KALRN: variants seen among roughly 807,000 people sequenced by gnomAD.
The protein encoded by KALRN is kalirin.
A neutral mutation model predicts 353.7 loss-of-function variants in KALRN; 70 were observed. That is an observed-to-expected ratio of 0.20 (90% CI 0.16 to 0.24). KALRN has a LOEUF of 0.24. KALRN is among the 10% of genes least tolerant of loss of function. The pLI is 1.00. For missense variants in KALRN, 2,791 were observed against 3,756.7 expected (o/e 0.74, Z 6.72); for synonymous variants, 1,391 against 1,434.8 (o/e 0.97, Z 0.69).
At chr3:124,169,635 A>G (rs1326166280) in intron 1 of KALRN, among the ~76,000 whole-genome samples, 1 of 152,132 alleles carries the variant, frequency 6.6e-6, no homozygotes, top group Non-Finnish European at 1.5e-5. Context: ...TGTTGTGCCA[A>G]TCAATGGCAT....
intron 9 of KALRN, among the ~76,000 whole-genome samples, chr3:124,335,158 G>A (rs1030844350): frequency 9.9e-5 from 15 of 152,100 alleles, no homozygotes; most frequent in African/African-American, 3.6e-4. Flanking sequence ...TGGGGGTGGG[G>A]GGTTATCCAA....
chr3:124,303,965 T>C (rs79824157), intron 6 of KALRN, among the ~76,000 whole-genome samples: 1 of 152,068 alleles, frequency 6.6e-6, no homozygotes, highest in East Asian at 1.9e-4. Context: ...GGCAGGCAGG[T>C]GGTCTCCCAA....
chr3:124,234,377 A>G (rs2079517226), intron 2 of KALRN, among the ~76,000 whole-genome samples: 1 of 152,244 alleles, frequency 6.6e-6, no homozygotes, highest in Admixed American at 6.5e-5. Flanking sequence ...TAGTCAGCTC[A>G]TCACAAGCAC....
At chr3:124,231,629 C>T (rs372415303) in intron 2 of KALRN, among the ~76,000 whole-genome samples, 1 of 152,184 alleles carries the variant, frequency 6.6e-6, no homozygotes, top group African/African-American at 2.4e-5. Context: ...GACATTCTAG[C>T]TCTCCTTCTT....
chr3:124,724,390 T>C lies in KALRN; in HGVS notation c.*4920T>C, dbSNP rs2063394708. 1 of 152,160 alleles carries C rather than the reference T, an allele frequency of 6.6e-6. No individual in the cohort carries two copies. Among genetic ancestry groups the C allele is most frequent in the Non-Finnish European group, 1.5e-5 (1 of 68,016 alleles). The allele number at this position is 152,160 out of a possible 1,614,324, so 9.4% of individuals were successfully genotyped here. A position where few individuals can be genotyped will look rare whatever the true frequency, so the allele number is the denominator to read the frequency against. On this transcript the variant is annotated 3_prime_UTR_variant, in exon 60 of 60. Coordinates refer to ENST00000682506, the MANE Select transcript of KALRN (RefSeq NM_001388419.1). ...CTTTCTCTCCTGGGTCGCACCTCTG[T>C]GGAGTCTGGGTTAGACAAATGCAAT...
chr3:124,275,530 T>G (rs2074616353), intron 5 of KALRN, among the ~76,000 whole-genome samples: 1 of 152,258 alleles, frequency 6.6e-6, no homozygotes, highest in Non-Finnish European at 1.5e-5. Flanking sequence ...AAGACAAACT[T>G]CTTCGCAGGG....
intron 1 of KALRN, among the ~76,000 whole-genome samples, chr3:124,214,554 C>T (rs778910011): frequency 9.2e-5 from 14 of 152,170 alleles, no homozygotes; most frequent in Non-Finnish European, 1.9e-4. Flanking sequence ...AGCAGGGGAC[C>T]AGATATCCCA....
At chr3:124,503,586 G>A (rs920812081) in intron 33 of KALRN, among the ~76,000 whole-genome samples, 104 of 152,204 alleles carry the variant, frequency 6.8e-4, no homozygotes, top group Middle Eastern at 3.4e-3. Context: ...GGAGCAGAGA[G>A]CAACAAAATG....
chr3:124,217,566 G>A (rs1579524055), intron 1 of KALRN, among the ~76,000 whole-genome samples: 1 of 152,266 alleles, frequency 6.6e-6, no homozygotes, highest in African/African-American at 2.4e-5. Context: ...TAATCTCTCT[G>A]TATGTATATC....
At chr3:124,402,495 G>A (rs952849320) in intron 13 of KALRN, among the ~76,000 whole-genome samples, 1 of 152,110 alleles carries the variant, frequency 6.6e-6, no homozygotes, top group African/African-American at 2.4e-5. Context: ...ATTTTGTGAT[G>A]GTAAGAATAC....
At chr3:124,488,625 G>C (rs1018675635) in intron 29 of KALRN, 2 of 259,684 alleles carry the variant, frequency 7.7e-6, no homozygotes, top group Non-Finnish European at 7.4e-6. Flanking sequence ...ACCTACAGCA[G>C]TCTTGTTAGT....
chr3:124,125,680 C>T (rs1287788618), intron 1 of KALRN, among the ~76,000 whole-genome samples: 3 of 152,200 alleles, frequency 2.0e-5, no homozygotes, highest in African/African-American at 7.2e-5. Flanking sequence ...TATAATCCCC[C>T]TTCCTAGAAA....
At chr3:124,577,038 C>T (rs2074176694) in intron 34 of KALRN, among the ~76,000 whole-genome samples, 1 of 152,158 alleles carries the variant, frequency 6.6e-6, no homozygotes, top group Non-Finnish European at 1.5e-5. Context: ...CAGGCGGCTG[C>T]TCAGTACAGA....
chr3:124,662,501 G>C (rs903350042), intron 45 of KALRN, among the ~76,000 whole-genome samples: 1 of 152,130 alleles, frequency 6.6e-6, no homozygotes, highest in African/African-American at 2.4e-5. Flanking sequence ...GATAAAGCAG[G>C]GACTGTGAGT....
Position 124,366,597 on chromosome 3 carries a change from T to C in KALRN, c.1771-18248T>C, listed in dbSNP as rs1259054786. 4.2e-4 allele frequency among the ~76,000 whole-genome samples: 63 copies of C among 150,742 alleles called. 1 individual carries two copies. The highest frequency in any genetic ancestry group is 6.3e-4 in the South Asian group (3 of 4,752). On this transcript the variant is annotated intron_variant, in intron 10 of 59. Transcript: ENST00000682506. Reference sequence around the variant, plus strand: ...AGAACAAAATGAAAAGTCTCCCATGTCTACTTCTTTCTACACAGACACGGC... The same window carrying C: ...AGAACAAAATGAAAAGTCTCCCATGCCTACTTCTTTCTACACAGACACGGC...
At chr3:124,290,066 G>T (rs76863010) in intron 5 of KALRN, among the ~76,000 whole-genome samples, 1 of 152,096 alleles carries the variant, frequency 6.6e-6, no homozygotes, top group Non-Finnish European at 1.5e-5. Flanking sequence ...TTGGAGGATT[G>T]GTAAGCTTTC....
At chr3:124,602,127 A>G (rs1295199671) in intron 34 of KALRN, among the ~76,000 whole-genome samples, 1 of 152,216 alleles carries the variant, frequency 6.6e-6, no homozygotes, top group African/African-American at 2.4e-5. Context: ...TTAGGCAAAA[A>G]GAAATGACAT....
At chr3:124,291,594 G>A (rs1189567738) in intron 5 of KALRN, among the ~76,000 whole-genome samples, 1 of 152,202 alleles carries the variant, frequency 6.6e-6, no homozygotes, top group Middle Eastern at 3.2e-3. Context: ...ATGTAAGGGT[G>A]TTAGACATGG....
chr3:124,391,669 G>T (rs1163111695), intron 11 of KALRN, among the ~76,000 whole-genome samples: 1 of 152,204 alleles, frequency 6.6e-6, no homozygotes, highest in East Asian at 1.9e-4. Flanking sequence ...CTCTACTCAT[G>T]GTTTAGTAGC....
Sources: gnomAD v4.1 joint callset for allele counts (sites outside exome capture counted in the v4.1 genomes callset) on GRCh38, gnomAD v4.1.1 for gene constraint, MANE v1.5 for transcripts, NCBI Gene and HGNC (gene_info 2026-07-23, HGNC 2026-07-21) for gene names.